Variants in LGR5 observed in about 807,000 individuals in gnomAD.
LGR5 encodes the protein leucine-rich repeat-containing G protein-coupled receptor 5.
A neutral mutation model predicts 76.7 loss-of-function variants in LGR5; 54 were observed. That is an observed-to-expected ratio of 0.70 (90% CI 0.57 to 0.88). LGR5 has a LOEUF of 0.88. Among genes scored for constraint, LGR5 ranks in the 40% least tolerant of loss-of-function variants. The probability of loss-of-function intolerance (pLI) is 0.00; values close to 1 mark genes in which losing one functional copy is unlikely to be tolerated. For missense variants in LGR5, 1,078 were observed against 1,073.3 expected, an observed-to-expected ratio of 1.00 and a Z score of -0.06; for synonymous variants, 406 against 421.9, an observed-to-expected ratio of 0.96 and a Z score of 0.46.
At chr12:71,566,361 A>T (rs781556703) in intron 8 of LGR5, 43 bp from the exon 9 acceptor site, 1 of 1,312,270 alleles carries the variant, frequency 7.6e-7, no homozygotes, top group Non-Finnish European at 1.1e-6. Flanking sequence ...TCATCTTTCA[A>T]ATTTTATACT....
intron 12 of LGR5, 36 bp downstream of exon 12, chr12:71,571,615 T>C: frequency 6.8e-7 from 1 of 1,479,794 alleles, no homozygotes; most frequent in Non-Finnish European, 9.4e-7. Context: ...CTAGCAAAAA[T>C]CAAGAATCAA....
chr12:71,566,974 G>A, intron 11 of LGR5, 62 bp downstream of exon 11: 3 of 1,218,662 alleles, frequency 2.5e-6, no homozygotes, highest in East Asian at 4.6e-5. Flanking sequence ...GGGTGAAATG[G>A]CAGACATGAT....
At chr12:71,478,004 A>G (rs1873416408) in intron 1 of LGR5, among the ~76,000 whole-genome samples, 1 of 152,174 alleles carries the variant, frequency 6.6e-6, no homozygotes, top group African/African-American at 2.4e-5. Context: ...ATAAAGATAT[A>G]AGCATGGGTC....
chr12:71,465,178 G>C (rs1872814971), intron 1 of LGR5, among the ~76,000 whole-genome samples: 1 of 152,122 alleles, frequency 6.6e-6, no homozygotes, highest in South Asian at 2.1e-4. Flanking sequence ...GCACGAATGA[G>C]AGATTCAATC....
chr12:71,487,782 CTT>C (rs1160858712), intron 1 of LGR5, among the ~76,000 whole-genome samples: 2 of 152,168 alleles, frequency 1.3e-5, no homozygotes, highest in Admixed American at 6.5e-5. Flanking sequence ...GGGGTCCAGT[CTT>C]CATAATCTGT....
chr12:71,529,284 G>A (rs1876176277), intron 3 of LGR5, among the ~76,000 whole-genome samples: 1 of 152,080 alleles, frequency 6.6e-6, no homozygotes, highest in Admixed American at 6.6e-5. Context: ...GCATGGCTGG[G>A]GAGGCCTCGG....
At chr12:71,536,986 A>G (rs1431552287) in intron 4 of LGR5, among the ~76,000 whole-genome samples, 3 of 152,148 alleles carry the variant, frequency 2.0e-5, no homozygotes, top group Admixed American at 2.0e-4. Flanking sequence ...CATCCAAACT[A>G]AAGGATCTAG....
At chr12:71,518,664 A>T (rs893118533) in intron 2 of LGR5, among the ~76,000 whole-genome samples, 1 of 152,230 alleles carries the variant, frequency 6.6e-6, no homozygotes, top group African/African-American at 2.4e-5. Context: ...AATATTATTC[A>T]GCCATAAAAA....
intron 3 of LGR5, among the ~76,000 whole-genome samples, chr12:71,527,263 A>G (rs1233679669): frequency 6.6e-6 from 1 of 152,222 alleles, no homozygotes; most frequent in Non-Finnish European, 1.5e-5. Context: ...AAATATTTTT[A>G]AAGTATTTTG....
chr12:71,576,112 C>T (rs1878844078), intron 13 of LGR5, among the ~76,000 whole-genome samples: 1 of 152,074 alleles, frequency 6.6e-6, no homozygotes, highest in Admixed American at 6.5e-5. Flanking sequence ...GGGAAAGCAT[C>T]AGGATAAATA....
intron 3 of LGR5, among the ~76,000 whole-genome samples, chr12:71,533,434 G>A (rs1395731010): frequency 6.6e-6 from 1 of 152,194 alleles, no homozygotes; most frequent in Non-Finnish European, 1.5e-5. Flanking sequence ...CTGCTCAGCA[G>A]TATTGGCGTC....
intron 1 of LGR5, among the ~76,000 whole-genome samples, chr12:71,464,372 G>A (rs968478929): frequency 6.6e-6 from 1 of 152,188 alleles, no homozygotes; most frequent in African/African-American, 2.4e-5. Context: ...CACAGACCCA[G>A]GAGCCGTGCC....
chr12:71,510,000 C>G (rs1394254940), intron 2 of LGR5, among the ~76,000 whole-genome samples: 1 of 152,182 alleles, frequency 6.6e-6, no homozygotes, highest in Non-Finnish European at 1.5e-5. Flanking sequence ...ACTTCTACTT[C>G]CCCAGCATGT....
In LGR5 at chr12:71,569,362, G is replaced by A. The variant is rs192586237; in HGVS notation, c.1071-2152G>A. 3.9e-3 allele frequency among the ~76,000 whole-genome samples: 595 copies of A among 152,272 alleles called. 6 individuals carry two copies. Among genetic ancestry groups the A allele is most frequent in the Non-Finnish European group, 3.6e-3 (245 of 68,030 alleles). ...CACAGCAAATGAAACTATCATCAGA[G>A]CGAACAGACAACCTACAGAATAGGA... On this transcript the variant is annotated intron_variant, in intron 11 of 17. Coordinates refer to ENST00000266674, the MANE Select transcript of LGR5 (RefSeq NM_003667.4).
chr12:71,545,275 G>A (rs1877097892), intron 4 of LGR5, among the ~76,000 whole-genome samples: 1 of 152,064 alleles, frequency 6.6e-6, no homozygotes, highest in African/African-American at 2.4e-5. Flanking sequence ...GTGAAACCCT[G>A]TCTCTACCAA....
At chr12:71,489,660 A>G (rs1212353529) in intron 1 of LGR5, among the ~76,000 whole-genome samples, 1 of 152,170 alleles carries the variant, frequency 6.6e-6, no homozygotes, top group Non-Finnish European at 1.5e-5. Flanking sequence ...AAATTAATCT[A>G]CCTGTGACCC....
intron 3 of LGR5, among the ~76,000 whole-genome samples, chr12:71,533,973 A>T (rs1314511580): frequency 6.6e-6 from 1 of 152,216 alleles, no homozygotes; most frequent in Non-Finnish European, 1.5e-5. Context: ...GGAGTTAGAC[A>T]CACCTGGGTG....
chr12:71,477,145 G>A (rs532363530), intron 1 of LGR5, among the ~76,000 whole-genome samples: 38 of 152,196 alleles, frequency 2.5e-4, no homozygotes, highest in African/African-American at 8.4e-4. Context: ...AAAATAGGAA[G>A]ATCCACTGAA....
intron 1 of LGR5, among the ~76,000 whole-genome samples, chr12:71,452,443 G>C (rs1029400182): frequency 6.6e-6 from 1 of 152,148 alleles, no homozygotes; most frequent in African/African-American, 2.4e-5. Context: ...CTCAAACTTT[G>C]TCCACATACC....
Sources: gnomAD v4.1 joint callset for allele counts (sites outside exome capture counted in the v4.1 genomes callset) on GRCh38, gnomAD v4.1.1 for gene constraint, MANE v1.5 for transcripts, NCBI Gene and HGNC (gene_info 2026-07-23, HGNC 2026-07-21) for gene names.